The following SIPA1L1 variants were observed in gnomAD, a reference collection of about 807,000 sequenced individuals.
SIPA1L1 encodes the protein signal-induced proliferation-associated 1-like protein 1.
A neutral mutation model predicts 162.7 loss-of-function variants in SIPA1L1; 26 were observed. The observed-to-expected ratio is 0.16, with a 90% confidence interval of 0.12 to 0.22. The LOEUF (loss-of-function observed/expected upper bound fraction) is 0.22. Among genes scored for constraint, SIPA1L1 ranks in the 10% least tolerant of loss-of-function variants. The probability of loss-of-function intolerance (pLI) is 1.00; values close to 1 mark genes in which losing one functional copy is unlikely to be tolerated. For missense variants in SIPA1L1, 1,874 were observed against 2,241.0 expected (o/e 0.84, Z 3.31); for synonymous variants, 829 against 837.4 (o/e 0.99, Z 0.17).
chr14:71,700,994 CAAAAAAAAAAAAAAAAAA>C (rs539293669), intron 14 of SIPA1L1, among the ~76,000 whole-genome samples: 26 of 51,746 alleles, frequency 5.0e-4, no homozygotes, highest in African/African-American at 1.5e-3. Flanking sequence ...GACTCCGTCT[CAAAAAAAAAAAAAAAAAA>C]AAAAAAAAAA....
intron 4 of SIPA1L1, among the ~76,000 whole-genome samples, chr14:71,583,627 C>T (rs113852584): frequency 6.6e-5 from 10 of 151,910 alleles, no homozygotes; most frequent in Non-Finnish European, 1.3e-4. Context: ...TTGTTTCTTT[C>T]ATTCTATTCC....
chr14:71,436,313 T>C (rs925413510), intron 2 of SIPA1L1, among the ~76,000 whole-genome samples: 3 of 152,228 alleles, frequency 2.0e-5, no homozygotes, highest in African/African-American at 7.2e-5. Flanking sequence ...TTCTACTTCA[T>C]GGTTTTGGAA....
chr14:71,570,382 C>G (rs1482268331), intron 4 of SIPA1L1, among the ~76,000 whole-genome samples: 1 of 152,140 alleles, frequency 6.6e-6, no homozygotes, highest in Non-Finnish European at 1.5e-5. Context: ...AAGCAGTCCT[C>G]ACACCTCAGC....
intron 2 of SIPA1L1, among the ~76,000 whole-genome samples, chr14:71,329,632 A>C (rs1249068430): frequency 1.3e-5 from 2 of 152,116 alleles, no homozygotes; most frequent in East Asian, 3.9e-4. Flanking sequence ...TTTAAATAGG[A>C]ACCATCTTAA....
At chr14:71,678,172 G>T (rs1022221687) in intron 12 of SIPA1L1, among the ~76,000 whole-genome samples, 1 of 152,116 alleles carries the variant, frequency 6.6e-6, no homozygotes, top group African/African-American at 2.4e-5. Context: ...AACTTCCAAC[G>T]CTATGTTGAA....
In SIPA1L1 at chr14:71,588,384, G is replaced by A. The variant is rs1287292679; in HGVS notation, c.512G>A (p.Arg171His). The change falls in exon 5 of 24, where the codon CGC becomes CAC. Residue 171 changes from arginine (R) to histidine (H), a missense_variant. By Grantham distance (29) the Arg-to-His change is conservative. Transcript: ENST00000381232. This position sits in a 1 kb window ranked among gnomAD's most constrained non-coding sequence, Gnocchi z 4.3. The stretch of plus-strand genomic sequence containing the variant: ...CCCAGAAAAGCTCTTCGCAGAATAC[G>A]CCAGCGAAGCAACAGTGATATCACC... ...SSPRKALRRI[R>H]QRSNSDITIS... The A allele has an allele frequency of 1.2e-6, 2 of 1,613,942 alleles. No homozygotes were observed. The highest frequency in any genetic ancestry group is 1.1e-5 in the South Asian group (1 of 91,074).
At chr14:71,674,906 C>A (rs2044970212) in intron 12 of SIPA1L1, among the ~76,000 whole-genome samples, 1 of 152,188 alleles carries the variant, frequency 6.6e-6, no homozygotes, top group Non-Finnish European at 1.5e-5. Context: ...AGGTTAGTAA[C>A]TTGCTAAGCT....
intron 3 of SIPA1L1, among the ~76,000 whole-genome samples, chr14:71,514,905 A>G (rs1291172284): frequency 6.6e-6 from 1 of 152,218 alleles, no homozygotes; most frequent in African/African-American, 2.4e-5. Context: ...ATAGATGCTG[A>G]TGTCATCAAA....
intron 2 of SIPA1L1, among the ~76,000 whole-genome samples, chr14:71,447,707 G>A (rs36534): frequency 6.6e-6 from 1 of 151,558 alleles, no homozygotes; most frequent in Non-Finnish European, 1.5e-5. Context: ...GGGACTACAG[G>A]TGTGTGCCAC....
At chr14:71,727,302 G>A (rs1249087167) in intron 19 of SIPA1L1, among the ~76,000 whole-genome samples, 2 of 152,016 alleles carry the variant, frequency 1.3e-5, no homozygotes, top group African/African-American at 2.4e-5. Context: ...AATAGCCAGG[G>A]GCACTGAAAA....
intron 3 of SIPA1L1, among the ~76,000 whole-genome samples, chr14:71,527,380 A>G (rs928341966): frequency 6.0e-5 from 9 of 150,754 alleles, no homozygotes; most frequent in African/African-American, 2.2e-4. Context: ...TTATTTTTTA[A>G]TTTTTTTGTA....
Position 71,624,100 on chromosome 14 carries a change from A to G in SIPA1L1, c.1682A>G (p.Lys561Arg). Residue 561 changes from lysine (K) to arginine (R), a missense_variant, in exon 7 of 24, where the codon AAG (lysine) becomes AGG (arginine). This residue lies in a region of SIPA1L1 where 685 missense variants were observed against 828.0 expected (regional missense o/e 0.83). Coordinates refer to ENST00000381232, the MANE Select transcript of SIPA1L1 (RefSeq NM_001386936.1). ...VLEDAIPSTA[K>R]HSTARGLPLK... The stretch of plus-strand genomic sequence containing the variant: ...GAGGACGCCATTCCGTCGACAGCCA[A>G]GCACTCGACAGCCAGAGGCCTGCCT... 2 of 1,614,068 alleles carry G rather than the reference A, an allele frequency of 1.2e-6. No homozygotes were observed. Among genetic ancestry groups the G allele is most frequent in the African/African-American group, 1.3e-5 (1 of 75,056 alleles).
At chr14:71,574,801 T>G (rs1459520612) in intron 4 of SIPA1L1, 1 of 152,300 alleles carries the variant, frequency 6.6e-6, no homozygotes, top group Admixed American at 6.5e-5. Context: ...AATAAGAGTT[T>G]AAATGATCAA....
At chr14:71,735,994 A>G (rs1167772827) in intron 22 of SIPA1L1, among the ~76,000 whole-genome samples, 1 of 152,212 alleles carries the variant, frequency 6.6e-6, no homozygotes, top group Non-Finnish European at 1.5e-5. Flanking sequence ...TGCTAGATTT[A>G]TGTGTGCTAA....
chr14:71,626,669 T>C (rs1449415654), intron 7 of SIPA1L1, among the ~76,000 whole-genome samples: 4 of 152,196 alleles, frequency 2.6e-5, no homozygotes, highest in Non-Finnish European at 5.9e-5. Flanking sequence ...TCCAGCTTTG[T>C]GTGTCGTTAT....
chr14:71,567,821 G>C (rs1567218570), intron 4 of SIPA1L1, among the ~76,000 whole-genome samples: 1 of 150,432 alleles, frequency 6.6e-6, no homozygotes, highest in Non-Finnish European at 1.5e-5. Flanking sequence ...ACTAAACAAG[G>C]GTCAGATTAT....
intron 2 of SIPA1L1, among the ~76,000 whole-genome samples, chr14:71,392,091 T>C (rs2040807914): frequency 6.6e-6 from 1 of 152,182 alleles, no homozygotes; most frequent in Non-Finnish European, 1.5e-5. Flanking sequence ...CCCTCAAGTC[T>C]CAACTCTCCA....
rs973622328 is a variant in SIPA1L1, at chr14:71,735,480, G to T, written c.5123+89G>T. The T allele has an allele frequency of 4.4e-6, 4 of 901,234 alleles. No homozygotes were observed. The East Asian group carries it at 9.7e-5, about 22-fold the overall frequency. 55.8% of individuals were successfully genotyped at this position (901,234 alleles called of 1,614,324 possible). ...TGGGGAGAAGAGATGGAAGCCACACGGAGTAGCTGAGTGAAGCTGATCACT... is the reference window on the plus strand; with the variant it reads ...TGGGGAGAAGAGATGGAAGCCACACTGAGTAGCTGAGTGAAGCTGATCACT... On this transcript the variant is annotated intron_variant, in intron 22 of 23. Coordinates refer to ENST00000381232, the MANE Select transcript of SIPA1L1 (RefSeq NM_001386936.1).
intron 2 of SIPA1L1, among the ~76,000 whole-genome samples, chr14:71,340,176 A>G (rs958556036): frequency 7.2e-5 from 11 of 152,206 alleles, no homozygotes; most frequent in African/African-American, 2.4e-4. Flanking sequence ...TCTTGCTACT[A>G]TAGTTTTAAG....
Sources: allele counts gnomAD v4.1 joint callset (sites outside exome capture counted in the v4.1 genomes callset), GRCh38; gene constraint gnomAD v4.1.1; regional missense constraint gnomAD v4.1.1; non-coding constraint Gnocchi (gnomAD v3.1); transcripts MANE v1.5; gene names NCBI Gene and HGNC (gene_info 2026-07-23, HGNC 2026-07-21).